The following FSTL4 variants were observed in gnomAD, a reference collection of about 807,000 sequenced individuals.
The protein encoded by FSTL4 is follistatin like 4.
In FSTL4, 28 loss-of-function variants were observed where a neutral mutation model predicts 78.2. That is an observed-to-expected ratio of 0.36 (90% CI 0.27 to 0.49). FSTL4 has a LOEUF of 0.49. Ranked by LOEUF, FSTL4 falls within the 20% of genes least tolerant of loss-of-function variation. The pLI is 0.98. For missense variants in FSTL4, 922 were observed against 1,084.9 expected, an observed-to-expected ratio of 0.85 and a Z score of 2.11; for synonymous variants, 422 against 440.5, an observed-to-expected ratio of 0.96 and a Z score of 0.53.
the FSTL4 span, among the ~76,000 whole-genome samples, chr5:133,781,393 G>GTGTGTGTGTGGCGTGTA: frequency 6.6e-6 from 1 of 150,892 alleles, no homozygotes; most frequent in Non-Finnish European, 1.5e-5. Flanking sequence ...GTGTGTGTGT[G>GTGTGTGTGTGGCGTGTA]TGTGTGTGTG....
intron 3 of FSTL4, among the ~76,000 whole-genome samples, chr5:133,519,708 T>C: frequency 6.6e-6 from 1 of 152,200 alleles, no homozygotes; most frequent in Non-Finnish European, 1.5e-5. Context: ...TATAGAGAAT[T>C]TTGTTGTTTA....
At chr5:133,655,588 T>C in the FSTL4 span, among the ~76,000 whole-genome samples, 1 of 152,160 alleles carries the variant, frequency 6.6e-6, no homozygotes, top group Non-Finnish European at 1.5e-5. Flanking sequence ...TGGGGATGTA[T>C]TGGTGAACTA....
chr5:133,486,950 A>T (rs1486670783), intron 3 of FSTL4, among the ~76,000 whole-genome samples: 1 of 152,198 alleles, frequency 6.6e-6, no homozygotes, highest in Non-Finnish European at 1.5e-5. Context: ...GTCCCACCTG[A>T]CATGTGACAC....
At chr5:133,663,895 C>T in the FSTL4 span, among the ~76,000 whole-genome samples, 1 of 152,170 alleles carries the variant, frequency 6.6e-6, no homozygotes, top group Non-Finnish European at 1.5e-5. Context: ...GGGAATCTTC[C>T]AGTGCTTCTG....
At chr5:133,323,599 C>G (rs1017471272) in intron 4 of FSTL4, among the ~76,000 whole-genome samples, 9 of 152,250 alleles carry the variant, frequency 5.9e-5, no homozygotes, top group African/African-American at 2.2e-4. Flanking sequence ...CTGACACTGA[C>G]AGCGTCATTG....
the FSTL4 span, among the ~76,000 whole-genome samples, chr5:133,741,755 C>T: frequency 3.2e-3 from 488 of 152,330 alleles, 2 homozygotes; most frequent in African/African-American, 0.011. Context: ...TTCCTTTGTC[C>T]ACAGGCCATG....
At chr5:133,500,211 C>G (rs1181841408) in intron 3 of FSTL4, among the ~76,000 whole-genome samples, 3 of 152,154 alleles carry the variant, frequency 2.0e-5, no homozygotes, top group Admixed American at 2.0e-4. Flanking sequence ...TCTGTGAACT[C>G]ATCTGATCCT....
intron 4 of FSTL4, among the ~76,000 whole-genome samples, chr5:133,331,251 G>T (rs1754339227): frequency 1.3e-5 from 2 of 152,210 alleles, no homozygotes; most frequent in African/African-American, 2.4e-5. Context: ...TGGGGAGACT[G>T]GGGCAGTAGC....
intron 6 of FSTL4, among the ~76,000 whole-genome samples, chr5:133,302,558 G>A (rs1225496694): frequency 3.3e-5 from 5 of 152,202 alleles, no homozygotes; most frequent in Admixed American, 6.5e-5. Flanking sequence ...GTTATAAAGG[G>A]TGCTAGGGTG....
At chr5:133,569,633 T>C (rs1433719717) in intron 2 of FSTL4, among the ~76,000 whole-genome samples, 1 of 152,132 alleles carries the variant, frequency 6.6e-6, no homozygotes, top group Non-Finnish European at 1.5e-5. Flanking sequence ...ATAAAATAAA[T>C]GTGTTGGATT....
At chr5:133,554,022 A>G (rs1159037794) in intron 3 of FSTL4, among the ~76,000 whole-genome samples, 1 of 152,206 alleles carries the variant, frequency 6.6e-6, no homozygotes, top group African/African-American at 2.4e-5. Flanking sequence ...ACGTCACTGT[A>G]CCTGTTCAAG....
At chr5:133,716,452 T>C in the FSTL4 span, among the ~76,000 whole-genome samples, 1 of 151,990 alleles carries the variant, frequency 6.6e-6, no homozygotes, top group East Asian at 1.9e-4. Context: ...AATAATGCTA[T>C]GTGTTTGCCA....
At chr5:133,231,864 T>G (rs1751503867) in intron 8 of FSTL4, among the ~76,000 whole-genome samples, 1 of 152,206 alleles carries the variant, frequency 6.6e-6, no homozygotes, top group Admixed American at 6.5e-5. Flanking sequence ...TTTGAAAATC[T>G]TCAAGTGAAA....
intron 4 of FSTL4, among the ~76,000 whole-genome samples, chr5:133,375,458 T>C (rs188823795): frequency 3.4e-4 from 52 of 151,770 alleles, no homozygotes; most frequent in African/African-American, 8.7e-4. Flanking sequence ...AAAACAACAA[T>C]AAAAGGAAAG....
At chr5:133,374,082 C>T (rs1580658641) in intron 4 of FSTL4, among the ~76,000 whole-genome samples, 1 of 152,160 alleles carries the variant, frequency 6.6e-6, no homozygotes, top group East Asian at 1.9e-4. Flanking sequence ...TAGCCATGTC[C>T]TGAGTGGTAA....
At chr5:133,795,469 C>A in the FSTL4 span, among the ~76,000 whole-genome samples, 1 of 152,172 alleles carries the variant, frequency 6.6e-6, no homozygotes, top group Admixed American at 6.5e-5. Context: ...ACTTTCACAG[C>A]CTTTCTATGA....
chr5:133,670,389 A>C, the FSTL4 span, among the ~76,000 whole-genome samples: 10 of 152,356 alleles, frequency 6.6e-5, no homozygotes, highest in African/African-American at 2.4e-4. Context: ...GTAGCCATGG[A>C]GTGTGACACA....
the FSTL4 span, among the ~76,000 whole-genome samples, chr5:133,637,338 C>T: frequency 2.0e-4 from 31 of 152,238 alleles, no homozygotes; most frequent in South Asian, 1.2e-3. Flanking sequence ...GCTATTAATA[C>T]ATCCAATGGC....
rs1215565016 is a variant in FSTL4 at position 133,585,152 on chromosome 5, A to G, written c.127-17933T>C. On this transcript the variant is annotated intron_variant, in intron 2 of 15. Transcript: ENST00000265342. The stretch of plus-strand genomic sequence containing the variant: ...GGAAGCGCTAAACCTGGAAAGGAAC[A>G]ACCAGTACCAGCCGCTGCAAAATCA... Among the ~76,000 whole-genome samples the G allele has an allele frequency of 2.7e-4, 25 of 91,282 alleles. 1 individual carries two copies. Among genetic ancestry groups the G allele is most frequent in the African/African-American group, 9.0e-4 (23 of 25,640 alleles). 59.9% of individuals were successfully genotyped at this position (91,282 alleles called of 152,430 possible). A position where few individuals can be genotyped will look rare whatever the true frequency, so the allele number is the denominator to read the frequency against.
Sources: gnomAD v4.1 joint callset for allele counts (sites outside exome capture counted in the v4.1 genomes callset) on GRCh38, gnomAD v4.1.1 for gene constraint, MANE v1.5 for transcripts, NCBI Gene and HGNC (gene_info 2026-07-23, HGNC 2026-07-21) for gene names.